SRGAP3: variants seen among roughly 807,000 people sequenced by gnomAD.
SRGAP3 encodes SLIT-ROBO Rho GTPase activating protein 3, also known as SLIT-ROBO Rho GTPase-activating protein 3.
A neutral mutation model predicts 121.1 loss-of-function variants in SRGAP3; 39 were observed. The ratio of observed to expected loss-of-function variants is 0.32; its 90% CI spans 0.25 to 0.42. SRGAP3 has a LOEUF of 0.42. Ranked by LOEUF, SRGAP3 falls within the 10% of genes least tolerant of loss-of-function variation. SRGAP3 has a pLI of 1.00. For missense variants in SRGAP3, 1,213 were observed against 1,470.6 expected (o/e 0.82, Z 2.86); for synonymous variants, 601 against 570.0 (o/e 1.05, Z -0.77).
chr3:8,990,663 C>T lies in SRGAP3; in HGVS notation c.2735G>A (p.Arg912Gln), dbSNP rs1177312003. The change falls in exon 21 of 22, where the codon CGG becomes CAG. Residue 912 changes from arginine to glutamine, a missense_variant. Transcript: ENST00000383836. ...TRGRIESPEKRRMATFGSAGS... is the reference protein window; with the variant it reads ...TRGRIESPEKQRMATFGSAGS... The stretch of plus-strand genomic sequence containing the variant: ...AGCGCTCCCGAACGTCGCCATCCTC[C>T]GCTTCTCAGGGCTCTCGATCCTCCC... The T allele has an allele frequency of 1.2e-5, 19 of 1,613,568 alleles. No homozygotes were observed. Among genetic ancestry groups the T allele is most frequent in the Admixed American group, 3.3e-5 (2 of 59,998 alleles).
chr3:8,995,283 G>C (rs918148723), intron 18 of SRGAP3, among the ~76,000 whole-genome samples: 4 of 152,066 alleles, frequency 2.6e-5, no homozygotes, highest in African/African-American at 9.7e-5. Flanking sequence ...ACCAGCCTGG[G>C]CAATATAGTG....
chr3:9,231,389 T>C (rs919527333), intron 1 of SRGAP3, among the ~76,000 whole-genome samples: 8 of 152,234 alleles, frequency 5.3e-5, no homozygotes, highest in East Asian at 1.9e-4. Flanking sequence ...TGCGGTTCTG[T>C]CTCTTTAGAA....
Position 8,994,329 on chromosome 3 carries a change from T to G in SRGAP3, c.2408+14A>C. 6.2e-7 allele frequency: 1 copy of G among 1,613,920 alleles called. No individual in the cohort carries two copies. On this transcript the variant is annotated intron_variant, in intron 19 of 21. Coordinates refer to ENST00000383836, the MANE Select transcript of SRGAP3 (RefSeq NM_014850.4). ...TATTTCGGCATTCTTCACAGAATTC[T>G]CGACTCCACTCACATGTCCTGTACA...
chr3:9,015,979 A>T, intron 14 of SRGAP3: 1 of 529,360 alleles, frequency 1.9e-6, no homozygotes, highest in African/African-American at 1.9e-5. Flanking sequence ...TTCGCTTACA[A>T]CTCATCTTGC....
At position 9,328,423 on chromosome 3, in the gene SRGAP3, G is replaced by C. The variant is rs1031553618; in HGVS notation, n.283+2105C>G. ...AGGAAAGGGGTCTGTAGTGCCTCCTGTTTTTCCCAAGGAGTCCAGGCTGTT... is the reference window on the plus strand; with the variant it reads ...AGGAAAGGGGTCTGTAGTGCCTCCTCTTTTTCCCAAGGAGTCCAGGCTGTT... On this transcript the variant is annotated intron_variant and non_coding_transcript_variant, in intron 2 of 3. Transcript: ENST00000490889. Among the ~76,000 whole-genome samples, 5 of 152,302 alleles carry C rather than the reference G, an allele frequency of 3.3e-5. No individual in the cohort carries two copies. In the East Asian group the frequency reaches 9.6e-4, roughly 29 times the overall value.
At chr3:9,122,541 C>A (rs2664117) in intron 2 of SRGAP3, among the ~76,000 whole-genome samples, 58,781 of 151,554 alleles carry the variant, frequency 0.39, 13,402 homozygotes, top group Non-Finnish European at 0.5. Flanking sequence ...AACCCCGTCT[C>A]TACTAAAAAT....
intron 4 of SRGAP3, among the ~76,000 whole-genome samples, chr3:9,066,838 G>T (rs1206848839): frequency 6.6e-6 from 1 of 152,152 alleles, no homozygotes; most frequent in East Asian, 1.9e-4. Flanking sequence ...TTGATTCATT[G>T]TTCAGAAAGT....
chr3:9,186,898 T>C (rs534680161), intron 1 of SRGAP3, among the ~76,000 whole-genome samples: 36 of 152,346 alleles, frequency 2.4e-4, no homozygotes, highest in African/African-American at 7.7e-4. Context: ...GCCCTTTCTA[T>C]AGCCAGTGGG....
intron 1 of SRGAP3, among the ~76,000 whole-genome samples, chr3:9,186,633 C>T (rs533041947): frequency 2.6e-5 from 4 of 152,112 alleles, no homozygotes; most frequent in East Asian, 3.9e-4. Context: ...CTCAGCTAAC[C>T]GTGAGATGAA....
intron 3 of SRGAP3, among the ~76,000 whole-genome samples, chr3:9,265,404 C>T (rs958035238): frequency 5.7e-4 from 86 of 152,026 alleles, no homozygotes; most frequent in African/African-American, 1.9e-3. Context: ...AGCTTCTGCA[C>T]GGCAAAAGAG....
chr3:9,020,072 T>C (rs1260106687), intron 14 of SRGAP3, among the ~76,000 whole-genome samples: 1 of 152,214 alleles, frequency 6.6e-6, no homozygotes, highest in Non-Finnish European at 1.5e-5. Flanking sequence ...ATGGTTCCAA[T>C]ACCACCATTC....
chr3:9,145,025 G>T (rs762289458), intron 1 of SRGAP3, among the ~76,000 whole-genome samples: 21 of 152,118 alleles, frequency 1.4e-4, no homozygotes, highest in Non-Finnish European at 2.9e-4. Flanking sequence ...TTTTCTCTAA[G>T]TTAGTAACTT....
intron 18 of SRGAP3, among the ~76,000 whole-genome samples, chr3:8,999,890 AAG>A (rs1942647353): frequency 6.6e-6 from 1 of 152,230 alleles, no homozygotes; most frequent in Non-Finnish European, 1.5e-5. Flanking sequence ...GAAAAAGAAA[AAG>A]AAATATTTCA....
chr3:8,985,973 C>G lies in SRGAP3; in HGVS notation c.2887-41G>C, dbSNP rs1941679953. 5.6e-6 allele frequency: 9 copies of G among 1,599,384 alleles called. No individual in the cohort carries two copies. The highest frequency in any genetic ancestry group is 7.6e-6 in the Non-Finnish European group (9 of 1,179,852). On this transcript the variant is annotated intron_variant, in intron 21 of 21. Coordinates refer to ENST00000383836, the MANE Select transcript of SRGAP3 (RefSeq NM_014850.4). The surrounding 1 kb of genome is among the most constrained non-coding windows in gnomAD (Gnocchi z 5.1). ...GCTGGGGTCAGCACAGTCTGGAGAC[C>G]TGGAGTCAGGTCCTTCCTGTCTGCT...
intron 18 of SRGAP3, among the ~76,000 whole-genome samples, chr3:9,006,183 G>A (rs956968813): frequency 1.3e-5 from 2 of 151,928 alleles, no homozygotes; most frequent in East Asian, 1.9e-4. Flanking sequence ...AGCAGATCAC[G>A]AGGTCAGGAG....
rs118172971 is a variant in SRGAP3, at chr3:9,346,110, C to T, written n.215-15514G>A. 3.3e-5 allele frequency among the ~76,000 whole-genome samples: 5 copies of T among 152,130 alleles called. No individual in the cohort carries two copies. In the East Asian group the frequency reaches 9.7e-4, roughly 29 times the overall value. On this transcript the variant is annotated intron_variant and non_coding_transcript_variant, in intron 1 of 3. Transcript: ENST00000490889. ...CAAGTATTGAAAACTTTGCTCTTCA[C>T]AGAAAGTTTGGCAATGATGCAAATT...
chr3:9,004,480 G>C lies in SRGAP3; in HGVS notation c.2227+5828C>G, dbSNP rs1195033086. On this transcript the variant is annotated intron_variant, in intron 18 of 21. Transcript: ENST00000383836. ...TAGCCAAAACAATCTTGAAAACGAAGGACAAAGTTGGAGGACTTAAACATC... is the reference window on the plus strand; with the variant it reads ...TAGCCAAAACAATCTTGAAAACGAACGACAAAGTTGGAGGACTTAAACATC... Among the ~76,000 whole-genome samples the C allele has an allele frequency of 2.6e-5, 4 of 152,224 alleles. No individual in the cohort carries two copies. The East Asian group carries it at 7.7e-4, about 29-fold the overall frequency.
In SRGAP3 at chr3:8,985,742, C is replaced by T. The variant is rs1488419249; in HGVS notation, c.3077G>A (p.Arg1026His). ...IVIRDPDAAM[R>H]RSSSSSTEMM... ...CTCGGTGGAGGAGCTGCTGCTGCGG[C>T]GCATGGCGGCATCGGGGTCGCGGAT... Residue 1026 changes from arginine (R) to histidine (H), a missense_variant, in exon 22 of 22, where the codon CGC (arginine) becomes CAC (histidine). Physicochemically the swap from Arg to His is conservative, Grantham distance 29. Around this residue, in one of 2 missense-constraint regions of SRGAP3, gnomAD observed 420 missense variants for 437.7 expected, o/e 0.96. Transcript: ENST00000383836. The surrounding 1 kb of genome is among the most constrained non-coding windows in gnomAD (Gnocchi z 5.1). 1 of 1,597,574 alleles carries T rather than the reference C, an allele frequency of 6.3e-7. No homozygotes were observed. Among genetic ancestry groups the T allele is most frequent in the Non-Finnish European group, 8.5e-7 (1 of 1,179,230 alleles).
chr3:9,108,279 A>G (rs1948488643), intron 2 of SRGAP3, among the ~76,000 whole-genome samples: 1 of 152,128 alleles, frequency 6.6e-6, no homozygotes, highest in Non-Finnish European at 1.5e-5. Context: ...TGGTACTCAT[A>G]TTTTTATACT....
Sources: allele counts gnomAD v4.1 joint callset (sites outside exome capture counted in the v4.1 genomes callset), GRCh38; gene constraint gnomAD v4.1.1; regional missense constraint gnomAD v4.1.1; non-coding constraint Gnocchi (gnomAD v3.1); transcripts MANE v1.5; gene names NCBI Gene and HGNC (gene_info 2026-07-23, HGNC 2026-07-21).